The following TMEM45A variants were observed in gnomAD, a reference collection of about 807,000 sequenced individuals.
The protein encoded by TMEM45A is transmembrane protein 45A.
In TMEM45A, 25 loss-of-function variants were observed where a neutral mutation model predicts 32.0. That is an observed-to-expected ratio of 0.78 (90% CI 0.57 to 1.09). The LOEUF (loss-of-function observed/expected upper bound fraction) is 1.09, where lower values mean the gene tolerates loss of function less well. Ranked by LOEUF, TMEM45A falls within the 50% of genes least tolerant of loss-of-function variation. The pLI, the probability that TMEM45A is intolerant of heterozygous loss-of-function variation, is 0.00. For synonymous variants in TMEM45A, 122 were observed against 114.8 expected (o/e 1.06, Z -0.40); for missense variants, 302 against 325.0 (o/e 0.93, Z 0.54).
intron 1 of TMEM45A, among the ~76,000 whole-genome samples, chr3:100,521,027 C>G (rs1459520915): frequency 6.6e-6 from 1 of 152,166 alleles, no homozygotes; most frequent in Non-Finnish European, 1.5e-5. Context: ...AGGGGGATAT[C>G]TGCTTTCTGG....
At chr3:100,546,602 C>T (rs189278279) in intron 1 of TMEM45A, among the ~76,000 whole-genome samples, 1 of 152,302 alleles carries the variant, frequency 6.6e-6, no homozygotes, top group African/African-American at 2.4e-5. Context: ...TTTTCCTTAT[C>T]GTTAGCAGTC....
chr3:100,494,375 G>A (rs1160630096), intron 1 of TMEM45A, among the ~76,000 whole-genome samples: 1 of 152,178 alleles, frequency 6.6e-6, no homozygotes, highest in Non-Finnish European at 1.5e-5. Context: ...TGTAATCCCA[G>A]CACTTTGGGA....
At position 100,551,314 on chromosome 3, in the gene TMEM45A, A is replaced by G. The variant is rs537432214; in HGVS notation, c.-3-3895A>G. The stretch of plus-strand genomic sequence containing the variant: ...AGGCTTGAGCCACTGCGCCCGGCCG[A>G]ACTGCTTTTCTTAGGAGGTTGTAAG... On this transcript the variant is annotated intron_variant, in intron 1 of 5. Transcript: ENST00000323523. Among the ~76,000 whole-genome samples, 174 of 152,234 alleles carry G rather than the reference A, an allele frequency of 1.1e-3. 1 individual carries two copies. Among genetic ancestry groups the G allele is most frequent in the Admixed American group, 3.3e-3 (50 of 15,302 alleles).
intron 2 of TMEM45A, 109 bp from the exon 3 acceptor site, chr3:100,556,651 A>T: frequency 1.9e-6 from 2 of 1,039,640 alleles, no homozygotes; most frequent in Non-Finnish European, 2.8e-6. Flanking sequence ...AGAAGAATTA[A>T]TGTCAAAAGA....
chr3:100,494,422 A>C (rs1303363480), intron 1 of TMEM45A, among the ~76,000 whole-genome samples: 1 of 152,066 alleles, frequency 6.6e-6, no homozygotes, highest in African/African-American at 2.4e-5. Context: ...AGGAGATCGA[A>C]ACCATCCTGG....
chr3:100,539,219 T>C (rs933945023), intron 1 of TMEM45A, among the ~76,000 whole-genome samples: 4 of 152,152 alleles, frequency 2.6e-5, no homozygotes, highest in African/African-American at 9.7e-5. Flanking sequence ...GCTTCAGTGA[T>C]CAAGAAAGTA....
intron 1 of TMEM45A, among the ~76,000 whole-genome samples, chr3:100,536,697 A>T (rs1477443745): frequency 6.6e-6 from 1 of 152,196 alleles, no homozygotes; most frequent in African/African-American, 2.4e-5. Flanking sequence ...ATTCACCAAC[A>T]GCTTTGCTCA....
chr3:100,525,700 T>G (rs959288937), intron 1 of TMEM45A, among the ~76,000 whole-genome samples: 1 of 152,172 alleles, frequency 6.6e-6, no homozygotes, highest in Non-Finnish European at 1.5e-5. Flanking sequence ...GAAACAGCCT[T>G]CCGGGGAGTA....
chr3:100,493,420 G>A (rs974308789), intron 1 of TMEM45A, among the ~76,000 whole-genome samples: 1 of 151,854 alleles, frequency 6.6e-6, no homozygotes, highest in African/African-American at 2.4e-5. Flanking sequence ...GGTTATGCAG[G>A]TAGTTGCTGG....
chr3:100,532,831 T>C (rs1705670024), intron 1 of TMEM45A, among the ~76,000 whole-genome samples: 1 of 152,114 alleles, frequency 6.6e-6, no homozygotes, highest in Non-Finnish European at 1.5e-5. Flanking sequence ...AAATGTTAAA[T>C]GGGGAGAAAA....
intron 5 of TMEM45A, 95 bp from the exon 6 acceptor site, chr3:100,576,830 C>T (rs1294058452): frequency 1.0e-6 from 1 of 994,692 alleles, no homozygotes; most frequent in Non-Finnish European, 1.5e-6. Context: ...CCCAGTTGCC[C>T]AAATAATCTA....
At chr3:100,551,963 T>C (rs1412836118) in intron 1 of TMEM45A, among the ~76,000 whole-genome samples, 2 of 152,166 alleles carry the variant, frequency 1.3e-5, no homozygotes, top group Non-Finnish European at 2.9e-5. Flanking sequence ...TGAGATATAC[T>C]GATCCTCTCA....
intron 4 of TMEM45A, among the ~76,000 whole-genome samples, chr3:100,560,994 A>C (rs952209457): frequency 6.6e-6 from 1 of 152,168 alleles, no homozygotes; most frequent in African/African-American, 2.4e-5. Context: ...ATTATTTAGA[A>C]AATTTTTCAT....
At chr3:100,550,812 C>CG (rs950563903) in intron 1 of TMEM45A, among the ~76,000 whole-genome samples, 29 of 152,004 alleles carry the variant, frequency 1.9e-4, no homozygotes, top group Admixed American at 9.2e-4. Context: ...GTGTTTACGC[C>CG]GGGGGGTGTT....
chr3:100,544,111 AT>A (rs1366403372), intron 1 of TMEM45A, among the ~76,000 whole-genome samples: 2 of 150,608 alleles, frequency 1.3e-5, no homozygotes, highest in African/African-American at 4.9e-5. Context: ...AGGTAGATTT[AT>A]TTTTTTTGCT....
chr3:100,567,800 T>C (rs765131795), intron 4 of TMEM45A, among the ~76,000 whole-genome samples: 1 of 152,206 alleles, frequency 6.6e-6, no homozygotes, highest in Non-Finnish European at 1.5e-5. Flanking sequence ...TTTTCTTTTT[T>C]TTGAGACGGA....
intron 1 of TMEM45A, among the ~76,000 whole-genome samples, chr3:100,519,981 T>C (rs1211609265): frequency 6.6e-6 from 1 of 152,132 alleles, no homozygotes; most frequent in Non-Finnish European, 1.5e-5. Flanking sequence ...TTCCCATCCA[T>C]CCATTTATCC....
chr3:100,512,827 T>G (rs1414875614), intron 1 of TMEM45A, among the ~76,000 whole-genome samples: 1 of 151,662 alleles, frequency 6.6e-6, no homozygotes, highest in Non-Finnish European at 1.5e-5. Context: ...CAAACTACCA[T>G]CAGAGAATAC....
intron 1 of TMEM45A, among the ~76,000 whole-genome samples, chr3:100,497,230 T>C (rs182137940): frequency 6.6e-5 from 10 of 152,310 alleles, no homozygotes; most frequent in African/African-American, 1.9e-4. Context: ...CAGATCTGAT[T>C]CTTACCAATG....
Sources: gnomAD v4.1 joint callset for allele counts (sites outside exome capture counted in the v4.1 genomes callset) on GRCh38, gnomAD v4.1.1 for gene constraint, MANE v1.5 for transcripts, NCBI Gene and HGNC (gene_info 2026-07-23, HGNC 2026-07-21) for gene names.